VSIG10L: variants seen among roughly 807,000 people sequenced by gnomAD.
VSIG10L encodes the protein V-set and immunoglobulin domain containing 10 like, also known as V-set and immunoglobulin domain-containing protein 10-like.
In VSIG10L, 63 loss-of-function variants were observed where a neutral mutation model predicts 67.3. The ratio of observed to expected loss-of-function variants is 0.94; its 90% CI spans 0.76 to 1.15. The LOEUF is 1.15. VSIG10L is among the 50% of genes most tolerant of loss of function. VSIG10L has a pLI of 0.00. For synonymous variants in VSIG10L, 499 were observed against 524.9 expected, an observed-to-expected ratio of 0.95 and a Z score of 0.67; for missense variants, 1,050 against 1,177.5, an observed-to-expected ratio of 0.89 and a Z score of 1.58.
intron 7 of VSIG10L, among the ~76,000 whole-genome samples, chr19:51,336,898 C>T (rs1985494840): frequency 6.6e-6 from 1 of 150,928 alleles, no homozygotes; most frequent in South Asian, 2.1e-4. Flanking sequence ...TCCCCAGTAG[C>T]TGGGACTACA....
rs547075576 is a variant in VSIG10L at position 51,334,318 on chromosome 19, A to G, written c.2306-14T>C. ...TCAACGTGGGGCCTGGAAGAGACAA[A>G]GAGAAGAAAGAGAAGGGGAACAGGA... On this transcript the variant is annotated splice_polypyrimidine_tract_variant and intron_variant, in intron 7 of 9. Coordinates refer to ENST00000335624, the MANE Select transcript of VSIG10L (RefSeq NM_001163922.3). 1.3e-6 allele frequency: 2 copies of G among 1,547,854 alleles called. No homozygotes were observed. The highest frequency in any genetic ancestry group is 4.9e-5 in the East Asian group (2 of 40,862).
At position 51,341,459 on chromosome 19, in the gene VSIG10L, C is replaced by A; in HGVS notation, c.589G>T (p.Gly197Cys). 6.5e-7 allele frequency: 1 copy of A among 1,543,894 alleles called. No homozygotes were observed. The highest frequency in any genetic ancestry group is 2.4e-5 in the East Asian group (1 of 40,860). ...SAASFPQQVG[G>C]PLAVLVGTTI... ...GTCCCCACCAGCACAGCGAGTGGGC[C>A]CCCCACCTGCTGGGGAAAGCTTGCA... Residue 197 changes from glycine to cysteine, a missense_variant, in exon 2 of 10, where the codon GGC (glycine) becomes TGC (cysteine). Physicochemically the swap from Gly to Cys is radical, Grantham distance 159 (BLOSUM62 -3). Coordinates refer to ENST00000335624, the MANE Select transcript of VSIG10L (RefSeq NM_001163922.3).
chr19:51,339,760 C>T, intron 4 of VSIG10L: 1 of 364,464 alleles, frequency 2.7e-6, no homozygotes, highest in Non-Finnish European at 4.8e-6. Context: ...GTCATCCCTG[C>T]CACTCTATTT....
At position 51,340,647 on chromosome 19, in the gene VSIG10L, CA is replaced by C; in HGVS notation, c.974del (p.Leu325ArgfsTer10). The C allele has an allele frequency of 1.3e-6, 2 of 1,532,824 alleles. No homozygotes were observed. The highest frequency in any genetic ancestry group is 1.7e-6 in the Non-Finnish European group (2 of 1,145,058). The allele number at this position is 1,532,824 out of a possible 1,614,324, so 95.0% of individuals were successfully genotyped here. ...GCTCCCCGCGACCTGGCCCCCACCC[CA>C]GGCAGCGCAGCCGGAGCTCGGCCGC... ...EGAAELRLRCLGWGPGRGELS... is the reference protein window; with the variant it reads ...EGAAELRLRCXGWGPGRGELS... On this transcript the variant is annotated frameshift_variant, in exon 3 of 10. Transcript: ENST00000335624. LOFTEE classifies it high-confidence loss of function. The surrounding 1 kb of genome is among the most constrained non-coding windows in gnomAD (Gnocchi z 6.3).
Position 51,337,479 on chromosome 19 carries a change from A to G in VSIG10L, c.2064T>C (p.Thr688=). Residue 688 remains threonine (T), a synonymous_variant, in exon 7 of 10, where the codon ACT becomes ACC. Coordinates refer to ENST00000335624, the MANE Select transcript of VSIG10L (RefSeq NM_001163922.3). ...LQRARDAAVL[T]WDVERGALIS... ...TCAGGGCCCCGCGCTCCACATCCCA[A>G]GTCAGCACGGCTGCATCTCTGGCTC... is the stretch of plus-strand genomic sequence containing the variant. 2 of 1,550,404 alleles carry G rather than the reference A, an allele frequency of 1.3e-6. No homozygotes were observed. Among genetic ancestry groups the G allele is most frequent in the South Asian group, 1.2e-5 (1 of 84,046 alleles).
In VSIG10L at chr19:51,340,256, G is replaced by C; in HGVS notation, c.1233C>G (p.Asp411Glu). ...PPTITVSSDR[D>E]AAPARFVTAG... ...CGGTGACAAAGCGGGCAGGCGCGGC[G>C]TCGCGGTCCGAGGAGACCGTGATGG... Residue 411 changes from aspartate (D) to glutamate (E), a missense_variant, in exon 4 of 10, where the codon GAC becomes GAG. By Grantham distance (45) the Asp-to-Glu change is conservative. This residue lies in a region of VSIG10L where 511 missense variants were observed against 557.9 expected (regional missense o/e 0.92). Coordinates refer to ENST00000335624, the MANE Select transcript of VSIG10L (RefSeq NM_001163922.3). The surrounding 1 kb of genome is among the most constrained non-coding windows in gnomAD (Gnocchi z 6.3). 1.3e-6 allele frequency: 2 copies of C among 1,513,874 alleles called. No individual in the cohort carries two copies. The highest frequency in any genetic ancestry group is 1.8e-6 in the Non-Finnish European group (2 of 1,138,476). 93.8% of individuals were successfully genotyped at this position (1,513,874 alleles called of 1,614,324 possible).
intron 5 of VSIG10L, 93 bp from the exon 6 acceptor site, chr19:51,338,301 A>C: frequency 7.3e-7 from 1 of 1,375,566 alleles, no homozygotes; most frequent in Non-Finnish European, 9.5e-7. Flanking sequence ...AGATGGTGGT[A>C]AGCCCCCACG....
Position 51,341,856 on chromosome 19 carries a change from A to C in VSIG10L, c.192T>G (p.Asp64Glu). ...SIKPPSWKVP[D>E]QFLDSKASAG... ...CAGAGGCTTTTGAATCCAGGAACTG[A>C]TCTGGAACTTTCCAGCTGGGAGGTT... The change falls in exon 2 of 10, where the codon GAT becomes GAG. Residue 64 changes from aspartate to glutamate, a missense_variant. By Grantham distance (45) the Asp-to-Glu change is conservative (BLOSUM62 2). This residue lies in a region of VSIG10L where 511 missense variants were observed against 557.9 expected (regional missense o/e 0.92). Transcript: ENST00000335624. The C allele has an allele frequency of 1.3e-6, 2 of 1,551,648 alleles. No individual in the cohort carries two copies. Among genetic ancestry groups the C allele is most frequent in the Non-Finnish European group, 1.7e-6 (2 of 1,146,968 alleles).
chr19:51,338,098 C>CT lies in VSIG10L; in HGVS notation c.1839_1840insA (p.Ala614SerfsTer51). 6.4e-7 allele frequency: 1 copy of CT among 1,550,962 alleles called. No homozygotes were observed. The highest frequency in any genetic ancestry group is 8.7e-7 in the Non-Finnish European group (1 of 1,146,696). ...GGAGCCAGGGGCCTCCCTTCCCGGG[C>CT]CCAGGATGCCCGTGAGGGTGGGGGA... On this transcript the variant is annotated frameshift_variant, in exon 6 of 10. Transcript: ENST00000335624. LOFTEE classifies it high-confidence loss of function.
intron 8 of VSIG10L, 118 bp downstream of exon 8, chr19:51,334,073 A>G (rs1985420891): frequency 6.8e-7 from 1 of 1,471,878 alleles, no homozygotes; most frequent in Non-Finnish European, 9.3e-7. Flanking sequence ...TGGAGGTAGG[A>G]GGGCAGGATG....
chr19:51,332,459 G>T lies in VSIG10L; in HGVS notation c.*152C>A. The T allele has an allele frequency of 1.2e-6, 1 of 847,730 alleles. No homozygotes were observed. Among genetic ancestry groups the T allele is most frequent in the South Asian group, 1.4e-5 (1 of 69,514 alleles). The allele number at this position is 847,730 out of a possible 1,614,324, so 52.5% of individuals were successfully genotyped here. On this transcript the variant is annotated 3_prime_UTR_variant, in exon 10 of 10. Coordinates refer to ENST00000335624, the MANE Select transcript of VSIG10L (RefSeq NM_001163922.3). ...CTGCAGCAAGAGAGGGAGACAGAAAGTCCCACTTTCAGGGTCCAACCCTCA... is the reference window on the plus strand; with the variant it reads ...CTGCAGCAAGAGAGGGAGACAGAAATTCCCACTTTCAGGGTCCAACCCTCA...
chr19:51,332,654 G>A lies in VSIG10L; in HGVS notation c.2575-14C>T, dbSNP rs749086734. 500 of 1,550,826 alleles carry A rather than the reference G, an allele frequency of 3.2e-4. No homozygotes were observed. The highest frequency in any genetic ancestry group is 4.2e-4 in the Non-Finnish European group (476 of 1,146,414). On this transcript the variant is annotated splice_polypyrimidine_tract_variant and intron_variant, in intron 9 of 9. Coordinates refer to ENST00000335624, the MANE Select transcript of VSIG10L (RefSeq NM_001163922.3). ...TGGGGTCTGTGCCTGGAAGAGAGAG[G>A]TGGGGTGAGGGGAGAACTCAGTAGG...
chr19:51,339,002 G>T lies in VSIG10L; in HGVS notation c.1615C>A (p.Pro539Thr). ...QGLPEGIRAG[P>T]VSSVLLAAVP... The stretch of plus-strand genomic sequence containing the variant: ...GCCGCCAGCAGCACAGAGGACACTG[G>T]CCCGGCGCGGATGCCTTCGGGGAGA... The change falls in exon 5 of 10, where the codon CCA becomes ACA. Residue 539 changes from proline (P) to threonine (T), a missense_variant. By Grantham distance (38) the Pro-to-Thr change is conservative. Around this residue, in one of 3 missense-constraint regions of VSIG10L, gnomAD observed 529 missense variants for 584.9 expected, o/e 0.90. Coordinates refer to ENST00000335624, the MANE Select transcript of VSIG10L (RefSeq NM_001163922.3). 17 of 1,401,244 alleles carry T rather than the reference G, an allele frequency of 1.2e-5. No individual in the cohort carries two copies. Among genetic ancestry groups the T allele is most frequent in the Non-Finnish European group, 1.6e-5 (17 of 1,071,348 alleles). 86.8% of individuals were successfully genotyped at this position (1,401,244 alleles called of 1,614,324 possible).
In VSIG10L at chr19:51,332,420, G is replaced by A. The variant is rs1242740677; in HGVS notation, c.*191C>T. 5 of 712,542 alleles carry A rather than the reference G, an allele frequency of 7.0e-6. No homozygotes were observed. Among genetic ancestry groups the A allele is most frequent in the Non-Finnish European group, 1.0e-5 (4 of 398,882 alleles). The allele number at this position is 712,542 out of a possible 1,614,324, so 44.1% of individuals were successfully genotyped here. A position where few individuals can be genotyped will look rare whatever the true frequency, so the allele number is the denominator to read the frequency against. ...ACATCTCCTTACTTGCACAAATACA[G>A]GAAGACTCTTCTTCTGCAGCAAGAG... On this transcript the variant is annotated 3_prime_UTR_variant, in exon 10 of 10. Coordinates refer to ENST00000335624, the MANE Select transcript of VSIG10L (RefSeq NM_001163922.3).
Position 51,340,875 on chromosome 19 carries a change from C to T in VSIG10L, c.896-149G>A. On this transcript the variant is annotated intron_variant, in intron 2 of 9. Transcript: ENST00000335624. The surrounding 1 kb of genome is among the most constrained non-coding windows in gnomAD (Gnocchi z 6.3). The stretch of plus-strand genomic sequence containing the variant: ...CTCATAAACCTATGAGTTTGAGCCC[C>T]CAGACACCTCCTCTCCGGGACCCAG... The T allele has an allele frequency of 1.8e-6, 2 of 1,126,528 alleles. No homozygotes were observed. The highest frequency in any genetic ancestry group is 3.1e-4 in the Middle Eastern group (1 of 3,240). 69.8% of individuals were successfully genotyped at this position (1,126,528 alleles called of 1,614,324 possible). A position where few individuals can be genotyped will look rare whatever the true frequency, so the allele number is the denominator to read the frequency against.
At position 51,341,146 on chromosome 19, in the gene VSIG10L, C is replaced by T. The variant is rs1384468513; in HGVS notation, c.895+7G>A. 3 of 1,496,748 alleles carry T rather than the reference C, an allele frequency of 2.0e-6. No homozygotes were observed. The highest frequency in any genetic ancestry group is 1.4e-5 in the African/African-American group (1 of 71,068). The allele number at this position is 1,496,748 out of a possible 1,614,324, so 92.7% of individuals were successfully genotyped here. On this transcript the variant is annotated splice_region_variant and intron_variant, in intron 2 of 9. Transcript: ENST00000335624. ...CGCCTGCACGCCGGACGCCAGGGCC[C>T]ACTTACCATACACACCCACCGTGAA...
Position 51,341,017 on chromosome 19 carries a change from A to T in VSIG10L, c.895+136T>A, listed in dbSNP as rs181011649. 211 of 1,288,614 alleles carry T rather than the reference A, an allele frequency of 1.6e-4. 1 individual carries two copies. The Middle Eastern group carries it at 2.1e-3, about 13-fold the overall frequency. 79.8% of individuals were successfully genotyped at this position (1,288,614 alleles called of 1,614,324 possible). On this transcript the variant is annotated intron_variant, in intron 2 of 9. Transcript: ENST00000335624. ...CTCAGACACCCCTGCCTTGACCTCT[A>T]GCTCTTTTTCTCCCTTCCTCAACCC...
chr19:51,335,138 C>T (rs1222419098), intron 7 of VSIG10L, among the ~76,000 whole-genome samples: 1 of 152,152 alleles, frequency 6.6e-6, no homozygotes, highest in Non-Finnish European at 1.5e-5. Context: ...AGGCCCAGAA[C>T]TAGAAAAGCT....
At position 51,332,571 on chromosome 19, in the gene VSIG10L, C is replaced by T. The variant is rs1985384031; in HGVS notation, c.*40G>A. ...TGCAGGGCAGACCACTGGCTCTGAT[C>T]ACACCTGTGTGGCTGCGCGAACAGT... On this transcript the variant is annotated 3_prime_UTR_variant, in exon 10 of 10. Transcript: ENST00000335624. 3.9e-6 allele frequency: 6 copies of T among 1,551,314 alleles called. No homozygotes were observed. Among genetic ancestry groups the T allele is most frequent in the Non-Finnish European group, 5.2e-6 (6 of 1,146,670 alleles).
Sources: gnomAD v4.1 joint callset for allele counts (sites outside exome capture counted in the v4.1 genomes callset) on GRCh38, gnomAD v4.1.1 for gene constraint, gnomAD v4.1.1 regional missense constraint, Gnocchi (gnomAD v3.1) non-coding constraint, MANE v1.5 for transcripts, NCBI Gene and HGNC (gene_info 2026-07-23, HGNC 2026-07-21) for gene names.